SH3YL1: variants seen among roughly 807,000 people sequenced by gnomAD.
The protein encoded by SH3YL1 is SH3 and SYLF domain containing 1.
SH3YL1 carries 41 observed loss-of-function variants against 45.8 expected under a neutral mutation model. The observed-to-expected ratio is 0.89, with a 90% CI of 0.70 to 1.16. The LOEUF (loss-of-function observed/expected upper bound fraction) is 1.16. Among genes scored for constraint, SH3YL1 ranks in the 50% most tolerant of loss-of-function variants. SH3YL1 has a pLI of 0.00. For synonymous variants in SH3YL1, 152 were observed against 151.4 expected, an observed-to-expected ratio of 1.00 and a Z score of -0.03; for missense variants, 389 against 409.6, an observed-to-expected ratio of 0.95 and a Z score of 0.43.
At chr2:236,494 C>G (rs144952561) in intron 4 of SH3YL1, among the ~76,000 whole-genome samples, 1 of 152,066 alleles carries the variant, frequency 6.6e-6, no homozygotes, top group East Asian at 1.9e-4. Flanking sequence ...AGAATTTGGG[C>G]TCAAAATTAA....
intron 2 of SH3YL1, 29 bp downstream of exon 2, chr2:252,976 G>T: frequency 7.5e-7 from 1 of 1,331,034 alleles, no homozygotes; most frequent in Non-Finnish European, 1.0e-6. Context: ...GACATTTAGA[G>T]ACAAACAGCA....
At chr2:250,547 G>A (rs1669030659) in intron 2 of SH3YL1, among the ~76,000 whole-genome samples, 1 of 152,156 alleles carries the variant, frequency 6.6e-6, no homozygotes, top group African/African-American at 2.4e-5. Flanking sequence ...AGTGCCACAC[G>A]ATTCTGTGAA....
intron 1 of SH3YL1, chr2:262,851 C>A: frequency 1.8e-6 from 1 of 560,958 alleles, no homozygotes; most frequent in Non-Finnish European, 2.7e-6. Flanking sequence ...TTTTTTTTAA[C>A]TTACAAAAGA....
chr2:226,564 A>C (rs945158263), intron 8 of SH3YL1, among the ~76,000 whole-genome samples: 9 of 152,324 alleles, frequency 5.9e-5, no homozygotes, highest in Middle Eastern at 3.4e-3. Context: ...ATGCTGAAGA[A>C]TGTCATAATG....
At chr2:260,613 G>A (rs1669549908) in intron 1 of SH3YL1, 1 of 152,258 alleles carries the variant, frequency 6.6e-6, no homozygotes, top group South Asian at 2.1e-4. Context: ...CCTGGCAGAA[G>A]GTGGAGAGAG....
At position 231,045 on chromosome 2, in the gene SH3YL1, G is replaced by A. The variant is rs1668013261; in HGVS notation, c.680C>T (p.Ala227Val). ...TACAGAAGACTTCCTCTGCTCCCTTGCTGCTTTTCTTGCATTGATTCGTTG... is the reference window on the plus strand; with the variant it reads ...TACAGAAGACTTCCTCTGCTCCCTTACTGCTTTTCTTGCATTGATTCGTTG... ...EGQRINARKA[A>V]REQRKSSAKE... The change falls in exon 7 of 10, where the codon GCA (alanine) becomes GTA (valine). Residue 227 changes from alanine to valine, a missense_variant. Physicochemically the swap from Ala to Val is moderately conservative, Grantham distance 64 (BLOSUM62 0). Transcript: ENST00000356150. 1.9e-6 allele frequency: 3 copies of A among 1,614,040 alleles called. No individual in the cohort carries two copies. The highest frequency in any genetic ancestry group is 1.3e-5 in the African/African-American group (1 of 75,006).
Position 234,241 on chromosome 2 carries a change from T to C in SH3YL1, c.323A>G (p.Asp108Gly). ...TTTTGCAAAAGCTTCTACAGCACGGTCATAATTCAGAATTATCACCAAGTC... is the reference window on the plus strand; with the variant it reads ...TTTTGCAAAAGCTTCTACAGCACGGCCATAATTCAGAATTATCACCAAGTC... ...VSDLVIILNY[D>G]RAVEAFAKGG... is the part of the protein sequence containing the mutation. Residue 108 changes from aspartate (D) to glycine (G), a missense_variant, in exon 5 of 10, where the codon GAC becomes GGC. Asp to Gly is a moderately conservative substitution (Grantham distance 94, BLOSUM62 -1). Transcript: ENST00000356150. The C allele has an allele frequency of 6.2e-7, 1 of 1,614,032 alleles. No individual in the cohort carries two copies. The highest frequency in any genetic ancestry group is 8.5e-7 in the Non-Finnish European group (1 of 1,179,968).
chr2:247,630 C>T (rs1302629406), intron 3 of SH3YL1, 28 bp from the exon 4 acceptor site: 1 of 1,538,710 alleles, frequency 6.5e-7, no homozygotes, highest in African/African-American at 1.4e-5. Flanking sequence ...GAACGTTATC[C>T]TAACATTAAA....
intron 8 of SH3YL1, among the ~76,000 whole-genome samples, chr2:226,911 T>C (rs925081115): frequency 6.6e-6 from 1 of 151,950 alleles, no homozygotes; most frequent in Non-Finnish European, 1.5e-5. Flanking sequence ...ATAATTCATA[T>C]GGTGGAGAAT....
chr2:250,471 T>G, intron 2 of SH3YL1, among the ~76,000 whole-genome samples: 1 of 152,234 alleles, frequency 6.6e-6, no homozygotes, highest in Non-Finnish European at 1.5e-5. Flanking sequence ...AATATTGGTT[T>G]ATTCACATGT....
At chr2:246,082 C>T (rs1293716093) in intron 4 of SH3YL1, among the ~76,000 whole-genome samples, 1 of 151,724 alleles carries the variant, frequency 6.6e-6, no homozygotes, top group Non-Finnish European at 1.5e-5. Context: ...GTAGTCCCAG[C>T]TACTCGGGAG....
chr2:234,014 T>G, intron 5 of SH3YL1, 146 bp downstream of exon 5: 1 of 605,804 alleles, frequency 1.7e-6, no homozygotes, highest in South Asian at 2.2e-5. Context: ...GTGAATTTCC[T>G]ATTTGTGATG....
chr2:224,641 A>G (rs1667717542), intron 9 of SH3YL1, among the ~76,000 whole-genome samples: 2 of 152,204 alleles, frequency 1.3e-5, no homozygotes, highest in Admixed American at 6.5e-5. Context: ...CACAGACAAC[A>G]CTGACTGTCA....
At chr2:251,889 G>C (rs1669087428) in intron 2 of SH3YL1, among the ~76,000 whole-genome samples, 1 of 152,200 alleles carries the variant, frequency 6.6e-6, no homozygotes, top group East Asian at 1.9e-4. Flanking sequence ...ATCTGGCTTA[G>C]AAAAATTAAC....
intron 1 of SH3YL1, chr2:255,849 TA>T (rs1469343243): frequency 1.3e-5 from 2 of 152,248 alleles, no homozygotes; most frequent in Non-Finnish European, 2.9e-5. Flanking sequence ...TTACTCCTTT[TA>T]AAAACAAGTG....
In SH3YL1 at chr2:249,958, C is replaced by T. The variant is rs1042381212; in HGVS notation, c.113-114G>A. 1.5e-5 allele frequency: 10 copies of T among 688,272 alleles called. No individual in the cohort carries two copies. The South Asian group carries it at 1.5e-4, about 10-fold the overall frequency. 42.6% of individuals were successfully genotyped at this position (688,272 alleles called of 1,614,324 possible). A position where few individuals can be genotyped will look rare whatever the true frequency, so the allele number is the denominator to read the frequency against. On this transcript the variant is annotated intron_variant, in intron 2 of 9. Coordinates refer to ENST00000356150, the MANE Select transcript of SH3YL1 (RefSeq NM_015677.4). ...AGAGGTTATCTCTAGGAATTCGGGGCACACAGGAGCAATGAACAAAAGTCA... is the reference window on the plus strand; with the variant it reads ...AGAGGTTATCTCTAGGAATTCGGGGTACACAGGAGCAATGAACAAAAGTCA...
chr2:237,604 T>C (rs950788232), intron 4 of SH3YL1, among the ~76,000 whole-genome samples: 1 of 152,128 alleles, frequency 6.6e-6, no homozygotes, highest in Non-Finnish European at 1.5e-5. Context: ...AAATAAGACT[T>C]GTGTTTTATT....
Position 218,836 on chromosome 2 carries a change from G to T in SH3YL1, c.1004C>A (p.Pro335Gln), listed in dbSNP as rs1209467629. The T allele has an allele frequency of 1.2e-6, 2 of 1,613,350 alleles. No homozygotes were observed. The highest frequency in any genetic ancestry group is 2.2e-5 in the East Asian group (1 of 44,880). Residue 335 changes from proline (P) to glutamine (Q), a missense_variant, in exon 10 of 10, where the codon CCA (proline) becomes CAA (glutamine). Transcript: ENST00000356150. ...GKLRGQTGIF[P>Q]ANYVTMN ...TTAATTCATGGTTACGTAGTTGGCT[G>T]GAAAAATGCCAGTTTGACCTCGAAG...
intron 1 of SH3YL1, chr2:263,348 C>T (rs1466341355): frequency 6.5e-6 from 1 of 153,564 alleles, no homozygotes; most frequent in East Asian, 1.9e-4. Context: ...AGGTGGTCAA[C>T]CGATTGAGAC....
Sources: gnomAD v4.1 joint callset for allele counts (sites outside exome capture counted in the v4.1 genomes callset) on GRCh38, gnomAD v4.1.1 for gene constraint, MANE v1.5 for transcripts, NCBI Gene and HGNC (gene_info 2026-07-23, HGNC 2026-07-21) for gene names.